The following PLN variants were observed in gnomAD, a reference collection of about 807,000 sequenced individuals.
PLN encodes cardiac phospholamban.
In PLN, 1 loss-of-function variant was observed where a neutral mutation model predicts 3.9. The observed-to-expected ratio is 0.26, with a 90% confidence interval of 0.09 to 1.23. PLN has a LOEUF of 1.23. Ranked by LOEUF, PLN falls within the 50% of genes most tolerant of loss-of-function variation. PLN has a pLI of 0.48. For missense variants in PLN, 59 were observed against 62.7 expected, an observed-to-expected ratio of 0.94 and a Z score of 0.20; for synonymous variants, 21 against 20.5, an observed-to-expected ratio of 1.02 and a Z score of -0.07.
At chr6:118,558,016 G>A (rs1778979658) in intron 1 of PLN, among the ~76,000 whole-genome samples, 1 of 151,222 alleles carries the variant, frequency 6.6e-6, no homozygotes, top group Non-Finnish European at 1.5e-5. Context: ...CCAGGCTGGA[G>A]TACAGTGGCA....
intron 1 of PLN, among the ~76,000 whole-genome samples, chr6:118,551,015 A>G (rs1778511460): frequency 6.6e-6 from 1 of 151,840 alleles, no homozygotes; most frequent in Admixed American, 6.6e-5. Context: ...ACCCCAATCA[A>G]TCAAAGTTTC....
At position 118,559,457 on chromosome 6, in the gene PLN, A is replaced by G; in HGVS notation, c.*377A>G. The stretch of plus-strand genomic sequence containing the variant: ...CATTATTTTTACTCTTTTGAGGTGA[A>G]TATAATTTATATTACAATGTAAAAG... On this transcript the variant is annotated 3_prime_UTR_variant, in exon 2 of 2. Coordinates refer to ENST00000357525, the MANE Select transcript of PLN (RefSeq NM_002667.5). 1 of 259,772 alleles carries G rather than the reference A, an allele frequency of 3.8e-6. No individual in the cohort carries two copies. Among genetic ancestry groups the G allele is most frequent in the South Asian group, 5.1e-5 (1 of 19,790 alleles). The allele number at this position is 259,772 out of a possible 1,614,324, so 16.1% of individuals were successfully genotyped here.
At position 118,555,578 on chromosome 6, in the gene PLN, CTATT is replaced by C. The variant is rs566565577; in HGVS notation, c.-97-3243_-97-3240del. Among the ~76,000 whole-genome samples, 14 of 152,060 alleles carry C rather than the reference CTATT, an allele frequency of 9.2e-5. No homozygotes were observed. In the East Asian group the frequency reaches 2.3e-3, roughly 25 times the overall value. ...ATCTCAATAAAGAACAAAAGAAAAT[CTATT>C]TATATTTTACCTGAAGAATTCAAAC... On this transcript the variant is annotated intron_variant, in intron 1 of 1. Coordinates refer to ENST00000357525, the MANE Select transcript of PLN (RefSeq NM_002667.5).
chr6:118,556,911 T>C (rs1281569834), intron 1 of PLN, among the ~76,000 whole-genome samples: 1 of 152,210 alleles, frequency 6.6e-6, no homozygotes, highest in East Asian at 1.9e-4. Context: ...TGTAATGACA[T>C]GTAAATTCTT....
chr6:118,549,563 T>G (rs1376212852), intron 1 of PLN, among the ~76,000 whole-genome samples: 1 of 151,852 alleles, frequency 6.6e-6, no homozygotes, highest in Non-Finnish European at 1.5e-5. Context: ...ATAAGAACTT[T>G]GTAACTCTGT....
intron 1 of PLN, among the ~76,000 whole-genome samples, 193 bp from the exon 2 acceptor site, chr6:118,558,626 TACACAC>T (rs371775061): frequency 0.01 from 1,167 of 111,566 alleles, 9 homozygotes; most frequent in East Asian, 0.027. Context: ...CACGTGCACA[TACACAC>T]ACACACACAC....
intron 1 of PLN, among the ~76,000 whole-genome samples, chr6:118,556,702 T>C (rs551476972): frequency 6.3e-4 from 96 of 152,290 alleles, no homozygotes; most frequent in Non-Finnish European, 8.8e-5. Flanking sequence ...ATATGTTGAT[T>C]AACAATAATA....
chr6:118,556,336 T>C (rs1198353724), intron 1 of PLN, among the ~76,000 whole-genome samples: 1 of 152,210 alleles, frequency 6.6e-6, no homozygotes. Flanking sequence ...AAAGAAAATT[T>C]GATAGAAGTT....
At position 118,560,868 on chromosome 6, in the gene PLN, G is replaced by A. The variant is rs1779185928; in HGVS notation, c.*1788G>A. On this transcript the variant is annotated 3_prime_UTR_variant, in exon 2 of 2. Coordinates refer to ENST00000357525, the MANE Select transcript of PLN (RefSeq NM_002667.5). ...AAAGTTTAAAATTAAGTCTAAAATA[G>A]TTTACACCTATACTGCATAATCCAA... is the stretch of plus-strand genomic sequence containing the variant. 6.6e-6 allele frequency: 1 copy of A among 152,294 alleles called. No individual in the cohort carries two copies. The highest frequency in any genetic ancestry group is 6.6e-5 in the Admixed American group (1 of 15,266). The allele number at this position is 152,294 out of a possible 1,614,324, so 9.4% of individuals were successfully genotyped here.
intron 1 of PLN, among the ~76,000 whole-genome samples, chr6:118,553,304 A>C (rs964166575): frequency 6.6e-6 from 1 of 151,922 alleles, no homozygotes; most frequent in African/African-American, 2.4e-5. Context: ...CATAAATTAT[A>C]ATGTAGTAAA....
chr6:118,560,149 C>T lies in PLN; in HGVS notation c.*1069C>T, dbSNP rs1474126384. ...TTATTAGATTATATTTTGAAATGAACTTGTTGGCCCATCTATTACATCTAC... is the reference window on the plus strand; with the variant it reads ...TTATTAGATTATATTTTGAAATGAATTTGTTGGCCCATCTATTACATCTAC... On this transcript the variant is annotated 3_prime_UTR_variant, in exon 2 of 2. Coordinates refer to ENST00000357525, the MANE Select transcript of PLN (RefSeq NM_002667.5). 6.0e-6 allele frequency: 1 copy of T among 166,962 alleles called. No individual in the cohort carries two copies. Among genetic ancestry groups the T allele is most frequent in the Non-Finnish European group, 1.5e-5 (1 of 68,086 alleles). The allele number at this position is 166,962 out of a possible 1,614,324, so 10.3% of individuals were successfully genotyped here. A position where few individuals can be genotyped will look rare whatever the true frequency, so the allele number is the denominator to read the frequency against.
rs1481778913 is a variant in PLN, at chr6:118,560,378, GAA to G, written c.*1300_*1301del. 1 of 166,818 alleles carries G rather than the reference GAA, an allele frequency of 6.0e-6. No individual in the cohort carries two copies. Among genetic ancestry groups the G allele is most frequent in the Non-Finnish European group, 1.5e-5 (1 of 68,090 alleles). 10.3% of individuals were successfully genotyped at this position (166,818 alleles called of 1,614,324 possible). A position where few individuals can be genotyped will look rare whatever the true frequency, so the allele number is the denominator to read the frequency against. ...GAAAATGTTATTTAGAAAATCATAA[GAA>G]AGAGAAAATATATTTACTATTCATT... On this transcript the variant is annotated 3_prime_UTR_variant, in exon 2 of 2. Coordinates refer to ENST00000357525, the MANE Select transcript of PLN (RefSeq NM_002667.5).
intron 1 of PLN, among the ~76,000 whole-genome samples, chr6:118,554,989 A>T (rs1027685041): frequency 5.9e-5 from 9 of 152,342 alleles, no homozygotes; most frequent in African/African-American, 2.2e-4. Context: ...CTCCTTTCCC[A>T]TGTTTTGTCT....
Position 118,559,188 on chromosome 6 carries a change from A to C in PLN, c.*108A>C. The C allele has an allele frequency of 1.2e-6, 1 of 855,434 alleles. No homozygotes were observed. Among genetic ancestry groups the C allele is most frequent in the Non-Finnish European group, 2.0e-6 (1 of 488,452 alleles). The allele number at this position is 855,434 out of a possible 1,614,324, so 53.0% of individuals were successfully genotyped here. On this transcript the variant is annotated 3_prime_UTR_variant, in exon 2 of 2. Coordinates refer to ENST00000357525, the MANE Select transcript of PLN (RefSeq NM_002667.5). ...TATAACAGACCACTTCCTGAGTAGA[A>C]GAGTTTCTTTGTGAAAAGGTCAAGA...
intron 1 of PLN, among the ~76,000 whole-genome samples, chr6:118,555,201 G>A (rs931636415): frequency 2.0e-5 from 3 of 152,158 alleles, no homozygotes; most frequent in South Asian, 4.1e-4. Flanking sequence ...GGAGGCCGAG[G>A]CGGGTGGATC....
At position 118,561,247 on chromosome 6, in the gene PLN, T is replaced by C. The variant is rs970014962; in HGVS notation, c.*2167T>C. Among the ~76,000 whole-genome samples the C allele has an allele frequency of 2.6e-5, 4 of 152,224 alleles. No individual in the cohort carries two copies. The highest frequency in any genetic ancestry group is 7.2e-5 in the African/African-American group (3 of 41,462). On this transcript the variant is annotated 3_prime_UTR_variant, in exon 2 of 2. Coordinates refer to ENST00000357525, the MANE Select transcript of PLN (RefSeq NM_002667.5). ...GGTGATACACTCACCTCACTGGTTT[T>C]AGTAAATTACCAATACAGAAAGTAT...
At position 118,559,957 on chromosome 6, in the gene PLN, T is replaced by C. The variant is rs886061003; in HGVS notation, c.*877T>C. On this transcript the variant is annotated 3_prime_UTR_variant, in exon 2 of 2. Transcript: ENST00000357525. ...TACCTAGCTTACCATACTATATCTT[T>C]GGAATCATGAAACCTTAAGACTTCA... The C allele has an allele frequency of 6.0e-6, 1 of 167,080 alleles. No homozygotes were observed. The highest frequency in any genetic ancestry group is 1.9e-4 in the East Asian group (1 of 5,208). 10.3% of individuals were successfully genotyped at this position (167,080 alleles called of 1,614,324 possible).
Position 118,558,987 on chromosome 6 carries a change from A to T in PLN, c.66A>T (p.Gln22His). 2 of 1,612,000 alleles carry T rather than the reference A, an allele frequency of 1.2e-6. No individual in the cohort carries two copies. The highest frequency in any genetic ancestry group is 1.7e-6 in the Non-Finnish European group (2 of 1,178,046). The change falls in exon 2 of 2, where the codon CAA becomes CAT. Residue 22 changes from glutamine to histidine, a missense_variant. Physicochemically the swap from Gln to His is conservative, Grantham distance 24. Coordinates refer to ENST00000357525, the MANE Select transcript of PLN (RefSeq NM_002667.5). ...GAGCCTCAACCATTGAAATGCCTCA[A>T]CAAGCACGTCAAAAGCTACAGAATC... ...IRRASTIEMPQQARQKLQNLF... is the reference protein window; with the variant it reads ...IRRASTIEMPHQARQKLQNLF...
At chr6:118,549,013 T>A (rs1393069400) in intron 1 of PLN, among the ~76,000 whole-genome samples, 2 of 151,972 alleles carry the variant, frequency 1.3e-5, no homozygotes, top group African/African-American at 4.8e-5. Context: ...TCTAAAAAAA[T>A]TCCATGCTAT....
Sources: gnomAD v4.1 joint callset for allele counts (sites outside exome capture counted in the v4.1 genomes callset) on GRCh38, gnomAD v4.1.1 for gene constraint, MANE v1.5 for transcripts, NCBI Gene and HGNC (gene_info 2026-07-23, HGNC 2026-07-21) for gene names.